The following CYYR1 variants were observed in gnomAD, a reference collection of about 807,000 sequenced individuals.
CYYR1 encodes the protein cysteine and tyrosine rich 1.
A neutral mutation model predicts 15.2 loss-of-function variants in CYYR1; 14 were observed. The observed-to-expected ratio is 0.92, with a 90% CI of 0.61 to 1.44. The LOEUF (loss-of-function observed/expected upper bound fraction) is 1.44. CYYR1 is among the 40% of genes most tolerant of loss of function. The pLI is 0.00. For synonymous variants in CYYR1, 80 were observed against 77.4 expected (o/e 1.03, Z -0.18); for missense variants, 228 against 209.5 (o/e 1.09, Z -0.54).
chr21:26,470,123 T>C (rs2123356396), intron 3 of CYYR1, among the ~76,000 whole-genome samples: 1 of 152,230 alleles, frequency 6.6e-6, no homozygotes, highest in Non-Finnish European at 1.5e-5. Context: ...CTCTTAATAC[T>C]AGAATGGCAG....
At chr21:26,549,056 A>G (rs116864515) in intron 2 of CYYR1, among the ~76,000 whole-genome samples, 6 of 152,316 alleles carry the variant, frequency 3.9e-5, no homozygotes, top group Non-Finnish European at 8.8e-5. Context: ...AGAAAAAAAA[A>G]AAGAAACTAC....
At chr21:26,493,207 T>C (rs1416710705) in intron 2 of CYYR1, among the ~76,000 whole-genome samples, 1 of 152,142 alleles carries the variant, frequency 6.6e-6, no homozygotes, top group Non-Finnish European at 1.5e-5. Context: ...TGGGGTCTTC[T>C]GGATAAGGAA....
chr21:26,498,890 C>T (rs192418663), intron 2 of CYYR1, among the ~76,000 whole-genome samples: 6 of 152,128 alleles, frequency 3.9e-5, no homozygotes, highest in Non-Finnish European at 2.9e-5. Flanking sequence ...GAACGGCATG[C>T]GAGTAACTGC....
chr21:26,498,864 T>C (rs2065443027), intron 2 of CYYR1, among the ~76,000 whole-genome samples: 1 of 152,012 alleles, frequency 6.6e-6, no homozygotes, highest in Non-Finnish European at 1.5e-5. Context: ...TCATGAGAAT[T>C]CACTCATTAC....
chr21:26,507,152 T>A (rs928569495), intron 2 of CYYR1, among the ~76,000 whole-genome samples: 1 of 152,220 alleles, frequency 6.6e-6, no homozygotes, highest in East Asian at 1.9e-4. Flanking sequence ...ATGAGACATA[T>A]GTCTCAGCTC....
At chr21:26,489,518 G>T (rs565223024) in intron 2 of CYYR1, among the ~76,000 whole-genome samples, 3 of 151,604 alleles carry the variant, frequency 2.0e-5, no homozygotes, top group Non-Finnish European at 4.4e-5. Flanking sequence ...AATCAAACAC[G>T]ATTTTTCAGT....
intron 2 of CYYR1, among the ~76,000 whole-genome samples, chr21:26,483,130 A>G (rs1279507221): frequency 2.0e-5 from 3 of 152,032 alleles, no homozygotes; most frequent in African/African-American, 7.2e-5. Flanking sequence ...TTTATCTTCC[A>G]AAGTTGTACT....
In CYYR1 at chr21:26,566,329, T is replaced by A. The variant is rs778348941; in HGVS notation, c.113A>T (p.Tyr38Phe). The A allele has an allele frequency of 5.0e-6, 8 of 1,613,940 alleles. No individual in the cohort carries two copies. Among genetic ancestry groups the A allele is most frequent in the Admixed American group, 3.3e-5 (2 of 59,976 alleles). Residue 38 changes from tyrosine (Y) to phenylalanine (F), a missense_variant, in exon 2 of 4, where the codon TAC becomes TTC. By Grantham distance (22) the Tyr-to-Phe change is conservative. Transcript: ENST00000652641. ...LAQCGKDCKS[Y>F]CCDGTTPYCC... ...GTAGGGCGTGGTTCCATCACAGCAG[T>A]AAGATTTGCAATCTTTGCCACACTG...
chr21:26,569,259 A>G (rs1357197325), intron 1 of CYYR1: 1 of 152,198 alleles, frequency 6.6e-6, no homozygotes, highest in African/African-American at 2.4e-5. Flanking sequence ...AGCCAGAAAA[A>G]AAAAAGAATA....
At chr21:26,494,705 A>C (rs1029456939) in intron 2 of CYYR1, among the ~76,000 whole-genome samples, 1 of 152,136 alleles carries the variant, frequency 6.6e-6, no homozygotes, top group Non-Finnish European at 1.5e-5. Flanking sequence ...CTGGGACATC[A>C]CATTGTGCCC....
intron 1 of CYYR1, chr21:26,568,003 A>G (rs1437958878): frequency 6.6e-6 from 1 of 152,232 alleles, no homozygotes; most frequent in Non-Finnish European, 1.5e-5. Context: ...TGTGGTATGA[A>G]GGAATGAAAG....
chr21:26,480,136 C>T, intron 3 of CYYR1, 136 bp downstream of exon 3: 3 of 868,934 alleles, frequency 3.5e-6, no homozygotes, highest in Admixed American at 2.9e-5. Context: ...GCTAGAACTT[C>T]AATCTACATG....
At chr21:26,534,645 T>G (rs750971999) in intron 2 of CYYR1, among the ~76,000 whole-genome samples, 1 of 152,160 alleles carries the variant, frequency 6.6e-6, no homozygotes, top group Non-Finnish European at 1.5e-5. Flanking sequence ...CTCATGGACA[T>G]CCTCTTCCTA....
At chr21:26,471,373 G>A (rs1433421044) in intron 3 of CYYR1, 5 of 152,252 alleles carry the variant, frequency 3.3e-5, no homozygotes, top group East Asian at 1.9e-4. Context: ...GTGTTTATGC[G>A]TCTGTAACAA....
In CYYR1 at chr21:26,573,164, G is replaced by T. The variant is rs752946614; in HGVS notation, c.-224C>A. The T allele has an allele frequency of 6.1e-6, 9 of 1,484,024 alleles. No homozygotes were observed. In the South Asian group the frequency reaches 8.6e-5, roughly 14 times the overall value. The allele number at this position is 1,484,024 out of a possible 1,614,324, so 91.9% of individuals were successfully genotyped here. On this transcript the variant is annotated 5_prime_UTR_variant, in exon 1 of 4. Coordinates refer to ENST00000652641, the MANE Select transcript of CYYR1 (RefSeq NM_001320768.2). ...CTGGGGCGCCCGTGGCCCGAGACGGGCTGCGCTGGGGGCCCAGGTCTCTTT... is the reference window on the plus strand; with the variant it reads ...CTGGGGCGCCCGTGGCCCGAGACGGTCTGCGCTGGGGGCCCAGGTCTCTTT...
At chr21:26,482,055 ATAT>A (rs1323784636) in intron 2 of CYYR1, among the ~76,000 whole-genome samples, 1 of 151,796 alleles carries the variant, frequency 6.6e-6, no homozygotes. Context: ...CTATTTCTCA[ATAT>A]TATTATTACA....
At chr21:26,559,271 T>G (rs948644433) in intron 2 of CYYR1, among the ~76,000 whole-genome samples, 4 of 152,320 alleles carry the variant, frequency 2.6e-5, no homozygotes, top group Non-Finnish European at 4.4e-5. Flanking sequence ...TATGCCTTTT[T>G]TTGTGCACAC....
intron 2 of CYYR1, among the ~76,000 whole-genome samples, chr21:26,492,131 A>T (rs1180818809): frequency 6.6e-6 from 1 of 152,178 alleles, no homozygotes; most frequent in Admixed American, 6.5e-5. Context: ...TTCACAAGCA[A>T]CCTATTTTCA....
At chr21:26,488,552 G>T (rs538946082) in intron 2 of CYYR1, among the ~76,000 whole-genome samples, 1 of 152,006 alleles carries the variant, frequency 6.6e-6, no homozygotes, top group African/African-American at 2.4e-5. Flanking sequence ...CATGCCTGGC[G>T]AGTACTACAT....
Sources: gnomAD v4.1 joint callset for allele counts (sites outside exome capture counted in the v4.1 genomes callset) on GRCh38, gnomAD v4.1.1 for gene constraint, MANE v1.5 for transcripts, NCBI Gene and HGNC (gene_info 2026-07-23, HGNC 2026-07-21) for gene names.